KCNQ1: variants seen among roughly 807,000 people sequenced by gnomAD.
KCNQ1 encodes potassium voltage-gated channel subfamily KQT member 1.
A neutral mutation model predicts 72.4 loss-of-function variants in KCNQ1; 49 were observed. That is an observed-to-expected ratio of 0.68 (90% CI 0.54 to 0.86). The LOEUF (loss-of-function observed/expected upper bound fraction) is 0.86. Among genes scored for constraint, KCNQ1 ranks in the 40% least tolerant of loss-of-function variants. The pLI is 0.00. For synonymous variants in KCNQ1, 450 were observed against 412.6 expected, an observed-to-expected ratio of 1.09 and a Z score of -1.10; for missense variants, 790 against 945.1, an observed-to-expected ratio of 0.84 and a Z score of 2.15.
intron 1 of KCNQ1, among the ~76,000 whole-genome samples, chr11:2,505,125 G>A (rs1847082007): frequency 6.6e-6 from 1 of 151,486 alleles, no homozygotes; most frequent in South Asian, 2.1e-4. Context: ...GTAGGTAAAT[G>A]TGTGCCACGG....
chr11:2,716,106 A>T (rs1372352243), intron 11 of KCNQ1, among the ~76,000 whole-genome samples: 1 of 152,150 alleles, frequency 6.6e-6, no homozygotes, highest in East Asian at 1.9e-4. Context: ...CCCTATTCCT[A>T]GCCTCCCTTG....
intron 2 of KCNQ1, among the ~76,000 whole-genome samples, chr11:2,553,168 T>G (rs113797459): frequency 6.3e-5 from 8 of 127,620 alleles, no homozygotes; most frequent in African/African-American, 2.7e-4. Flanking sequence ...TTTTGTTTTT[T>G]TTTTTTTTGT....
In KCNQ1 at chr11:2,664,434, C is replaced by G; in HGVS notation, c.1514+2353C>G. ...CACGTACAGTGTCAGGGCCTAGGAA[C>G]CCAGGCTCCTCTGGGATACAGGCTG... On this transcript the variant is annotated intron_variant, in intron 11 of 15. Transcript: ENST00000155840. This position sits in a 1 kb window ranked among gnomAD's most constrained non-coding sequence, Gnocchi z 5.1. 2.5e-6 allele frequency: 1 copy of G among 398,614 alleles called. No individual in the cohort carries two copies. Among genetic ancestry groups the G allele is most frequent in the Non-Finnish European group, 4.4e-6 (1 of 226,106 alleles). 24.7% of individuals were successfully genotyped at this position (398,614 alleles called of 1,614,324 possible).
chr11:2,749,312 C>T (rs529156580), intron 11 of KCNQ1, among the ~76,000 whole-genome samples: 31 of 151,606 alleles, frequency 2.0e-4, no homozygotes, highest in African/African-American at 7.3e-4. Flanking sequence ...CGAGGGGTGT[C>T]GGGGGCCTCG....
At chr11:2,454,355 C>G (rs991484474) in intron 1 of KCNQ1, among the ~76,000 whole-genome samples, 4 of 151,968 alleles carry the variant, frequency 2.6e-5, no homozygotes, top group Admixed American at 2.6e-4. Flanking sequence ...GGTGAAAAAT[C>G]CCTAAATAAA....
intron 10 of KCNQ1, chr11:2,643,940 G>T: frequency 2.5e-6 from 1 of 398,484 alleles, no homozygotes; most frequent in Non-Finnish European, 4.4e-6. Context: ...CATCCTCCTG[G>T]CCTGTAAAGT....
Position 2,827,283 on chromosome 11 carries a change from A to T in KCNQ1, c.1795-20484A>T, listed in dbSNP as rs768137007. ...CACCCGCAGGGTCCCAGAGTAGCAG[A>T]AGCTTCAGGGCTGATGTGTGCCTGG... On this transcript the variant is annotated intron_variant, in intron 15 of 15. Transcript: ENST00000155840. The surrounding 1 kb of genome is among the most constrained non-coding windows in gnomAD (Gnocchi z 6.7). Among the ~76,000 whole-genome samples, 18 of 152,132 alleles carry T rather than the reference A, an allele frequency of 1.2e-4. No homozygotes were observed. The highest frequency in any genetic ancestry group is 3.4e-3 in the Middle Eastern group (1 of 294).
In KCNQ1 at chr11:2,830,372, A is replaced by G. The variant is rs1847922794; in HGVS notation, c.1795-17395A>G. On this transcript the variant is annotated intron_variant, in intron 15 of 15. Transcript: ENST00000155840. This position sits in a 1 kb window ranked among gnomAD's most constrained non-coding sequence, Gnocchi z 7.7. ...GCAGGCATCCCAGAGCTATGACCTGAATGATATCTTAGATGATCTCCAAGG... is the reference window on the plus strand; with the variant it reads ...GCAGGCATCCCAGAGCTATGACCTGGATGATATCTTAGATGATCTCCAAGG... Among the ~76,000 whole-genome samples, 1 of 152,010 alleles carries G rather than the reference A, an allele frequency of 6.6e-6. No individual in the cohort carries two copies. Among genetic ancestry groups the G allele is most frequent in the African/African-American group, 2.4e-5 (1 of 41,372 alleles).
rs1846622652 is a variant in KCNQ1 at position 2,479,524 on chromosome 11, C to T, written c.386+34040C>T. On this transcript the variant is annotated intron_variant, in intron 1 of 15. Transcript: ENST00000155840. The surrounding 1 kb of genome is among the most constrained non-coding windows in gnomAD (Gnocchi z 4.6). ...AGCCACAGCCCAAGCTGTACCTTGACACCTTTTAGCTATGGCTAGAGCGGC... is the reference window on the plus strand; with the variant it reads ...AGCCACAGCCCAAGCTGTACCTTGATACCTTTTAGCTATGGCTAGAGCGGC... 6.6e-6 allele frequency among the ~76,000 whole-genome samples: 1 copy of T among 152,224 alleles called. No homozygotes were observed. The highest frequency in any genetic ancestry group is 2.4e-5 in the African/African-American group (1 of 41,456).
intron 10 of KCNQ1, chr11:2,634,135 A>ATT (rs35461041): frequency 0.54 from 206,716 of 379,818 alleles, 34,703 homozygotes; most frequent in Admixed American, 0.63. Flanking sequence ...TGTCTTTGGT[A>ATT]TTTTTTTTTT....
At position 2,565,225 on chromosome 11, in the gene KCNQ1, G is replaced by A. The variant is rs985565313; in HGVS notation, c.478-5403G>A. Among the ~76,000 whole-genome samples the A allele has an allele frequency of 5.3e-5, 8 of 152,176 alleles. No homozygotes were observed. The highest frequency in any genetic ancestry group is 2.0e-4 in the Admixed American group (3 of 15,268). ...CATTTCACGCTTTAAAGGAGCTGTG[G>A]CATTCTACATCCCCCAGCAGCACAC... On this transcript the variant is annotated intron_variant, in intron 2 of 15. Coordinates refer to ENST00000155840, the MANE Select transcript of KCNQ1 (RefSeq NM_000218.3). This position sits in a 1 kb window ranked among gnomAD's most constrained non-coding sequence, Gnocchi z 5.6.
chr11:2,735,891 A>T lies in KCNQ1; in HGVS notation c.1515-32953A>T, dbSNP rs1421083672. Among the ~76,000 whole-genome samples, 2 of 152,080 alleles carry T rather than the reference A, an allele frequency of 1.3e-5. No homozygotes were observed. Among genetic ancestry groups the T allele is most frequent in the Non-Finnish European group, 2.9e-5 (2 of 68,016 alleles). ...CTTATACCCCCATTCTGCTTTAATT[A>T]CTTCTTATAAGACCCCATCTCCAGA... is the stretch of plus-strand genomic sequence containing the variant. On this transcript the variant is annotated intron_variant, in intron 11 of 15. Coordinates refer to ENST00000155840, the MANE Select transcript of KCNQ1 (RefSeq NM_000218.3). The surrounding 1 kb of genome is among the most constrained non-coding windows in gnomAD (Gnocchi z 7.7).
At chr11:2,806,335 A>T (rs562577551) in intron 15 of KCNQ1, among the ~76,000 whole-genome samples, 14 of 152,194 alleles carry the variant, frequency 9.2e-5, no homozygotes, top group Non-Finnish European at 1.6e-4. Context: ...GTACGCAGGG[A>T]GGCAGCAAGG....
At chr11:2,502,092 C>G (rs890284380) in intron 1 of KCNQ1, among the ~76,000 whole-genome samples, 3 of 152,118 alleles carry the variant, frequency 2.0e-5, no homozygotes, top group African/African-American at 7.2e-5. Flanking sequence ...TAGTAACATA[C>G]TGAATGGGGA....
At position 2,658,015 on chromosome 11, in the gene KCNQ1, T is replaced by TC; in HGVS notation, c.1394-3944dup. On this transcript the variant is annotated intron_variant, in intron 10 of 15. Transcript: ENST00000155840. This position sits in a 1 kb window ranked among gnomAD's most constrained non-coding sequence, Gnocchi z 4.9. ...GTAAGTGAATAGCTGTTTTTCCCTT[T>TC]CCATAGCTTAGTCTTTAGAAGCGAG... The TC allele has an allele frequency of 2.5e-6, 1 of 398,570 alleles. No homozygotes were observed. The highest frequency in any genetic ancestry group is 6.3e-4 in the Middle Eastern group (1 of 1,588). The allele number at this position is 398,570 out of a possible 1,614,324, so 24.7% of individuals were successfully genotyped here. A position where few individuals can be genotyped will look rare whatever the true frequency, so the allele number is the denominator to read the frequency against.
At position 2,803,049 on chromosome 11, in the gene KCNQ1, G is replaced by A. The variant is rs1236336423; in HGVS notation, c.1794+25012G>A. Among the ~76,000 whole-genome samples, 2 of 152,234 alleles carry A rather than the reference G, an allele frequency of 1.3e-5. No individual in the cohort carries two copies. The highest frequency in any genetic ancestry group is 4.8e-5 in the African/African-American group (2 of 41,466). On this transcript the variant is annotated intron_variant, in intron 15 of 15. Coordinates refer to ENST00000155840, the MANE Select transcript of KCNQ1 (RefSeq NM_000218.3). The surrounding 1 kb of genome is among the most constrained non-coding windows in gnomAD (Gnocchi z 6.4). ...TCTCAGAGCAGGAGGTGACATGAAG[G>A]GAAGGTGGCAGGATGGGAGTGCCCA...
In KCNQ1 at chr11:2,611,841, A is replaced by G. The variant is rs370251825; in HGVS notation, c.1393+22987A>G. ...TTGAATAGATATGTTCTAGAGTACC[A>G]TTCTAATTCCTTTGTTAGTTTATTT... is the stretch of plus-strand genomic sequence containing the variant. On this transcript the variant is annotated intron_variant, in intron 10 of 15. Transcript: ENST00000155840. This position sits in a 1 kb window ranked among gnomAD's most constrained non-coding sequence, Gnocchi z 5.3. The G allele has an allele frequency of 2.5e-6, 1 of 398,262 alleles. No individual in the cohort carries two copies. The highest frequency in any genetic ancestry group is 2.1e-5 in the African/African-American group (1 of 48,594). The allele number at this position is 398,262 out of a possible 1,614,324, so 24.7% of individuals were successfully genotyped here.
At chr11:2,708,352 C>T (rs1345681929) in intron 11 of KCNQ1, among the ~76,000 whole-genome samples, 1 of 152,198 alleles carries the variant, frequency 6.6e-6, no homozygotes, top group Non-Finnish European at 1.5e-5. Flanking sequence ...GAATTGGGAG[C>T]TCACTTAGGC....
At chr11:2,587,750 T>TGG in intron 9 of KCNQ1, 58 bp downstream of exon 9, 7 of 1,610,790 alleles carry the variant, frequency 4.3e-6, no homozygotes, top group Non-Finnish European at 5.9e-6. Flanking sequence ...GGGGAGGCCG[T>TGG]GGGGGCCGCA....
Sources: gnomAD v4.1 joint callset for allele counts (sites outside exome capture counted in the v4.1 genomes callset) on GRCh38, gnomAD v4.1.1 for gene constraint, Gnocchi (gnomAD v3.1) non-coding constraint, MANE v1.5 for transcripts, NCBI Gene and HGNC (gene_info 2026-07-23, HGNC 2026-07-21) for gene names.